The following MSRB3 variants were observed in gnomAD, a reference collection of about 807,000 sequenced individuals.
MSRB3 encodes the protein methionine sulfoxide reductase B3.
MSRB3 carries 13 observed loss-of-function variants against 21.0 expected under a neutral mutation model. The ratio of observed to expected loss-of-function variants is 0.62; its 90% CI spans 0.40 to 0.98. The LOEUF is 0.98. MSRB3 is among the 50% of genes least tolerant of loss of function. The pLI, the probability that MSRB3 is intolerant of heterozygous loss-of-function variation, is 0.00. For missense variants in MSRB3, 199 were observed against 230.3 expected, an observed-to-expected ratio of 0.86 and a Z score of 0.88; for synonymous variants, 87 against 88.6, an observed-to-expected ratio of 0.98 and a Z score of 0.10.
At chr12:65,345,974 C>T (rs1876475754) in intron 4 of MSRB3, among the ~76,000 whole-genome samples, 1 of 152,134 alleles carries the variant, frequency 6.6e-6, no homozygotes, top group Non-Finnish European at 1.5e-5. Context: ...CTTGTTAATC[C>T]AGTCTATCAT....
At chr12:65,422,322 G>A (rs12229693) in intron 5 of MSRB3, among the ~76,000 whole-genome samples, 76,293 of 146,192 alleles carry the variant, frequency 0.52, 20,680 homozygotes, top group Middle Eastern at 0.62. Flanking sequence ...AGATAATCGA[G>A]GTAGAAAATT....
chr12:65,342,506 G>A (rs1466938493), intron 4 of MSRB3, among the ~76,000 whole-genome samples: 1 of 151,966 alleles, frequency 6.6e-6, no homozygotes, highest in Non-Finnish European at 1.5e-5. Flanking sequence ...TAGGAAATTA[G>A]CACTTTCAAA....
intron 5 of MSRB3, among the ~76,000 whole-genome samples, chr12:65,446,911 A>G (rs1212018423): frequency 6.6e-6 from 1 of 152,226 alleles, no homozygotes; most frequent in Non-Finnish European, 1.5e-5. Flanking sequence ...AGTCTAAATA[A>G]CAACTAGACT....
At position 65,322,537 on chromosome 12, in the gene MSRB3, C is replaced by A. The variant is rs187735852; in HGVS notation, c.77-4289C>A. 8.1e-3 allele frequency among the ~76,000 whole-genome samples: 1,234 copies of A among 151,662 alleles called. 20 individuals are homozygous for A. Among genetic ancestry groups the A allele is most frequent in the African/African-American group, 0.029 (1,179 of 41,336 alleles). ...GGGTGTGGTGGTGGGCGTCTGTAAT[C>A]CCAGCCACTCTGGAGGCTGAGGCTG... On this transcript the variant is annotated intron_variant, in intron 2 of 6. Coordinates refer to ENST00000308259, the MANE Select transcript of MSRB3 (RefSeq NM_001031679.3).
chr12:65,368,993 T>C lies in MSRB3; in HGVS notation c.264-5T>C, dbSNP rs184727053. On this transcript the variant is annotated splice_region_variant and splice_polypyrimidine_tract_variant and intron_variant, in intron 4 of 6. Transcript: ENST00000308259. The stretch of plus-strand genomic sequence containing the variant: ...ATATTGTAAAAACTTTCTTTCTCTT[T>C]GCAGGTCAGAAACCAAATTTGACTC... The C allele has an allele frequency of 5.7e-5, 81 of 1,425,322 alleles. No homozygotes were observed. The highest frequency in any genetic ancestry group is 7.4e-5 in the Non-Finnish European group (78 of 1,057,738). 88.3% of individuals were successfully genotyped at this position (1,425,322 alleles called of 1,614,324 possible). A position where few individuals can be genotyped will look rare whatever the true frequency, so the allele number is the denominator to read the frequency against.
intron 5 of MSRB3, among the ~76,000 whole-genome samples, chr12:65,431,413 G>A (rs988846307): frequency 3.3e-5 from 5 of 151,726 alleles, no homozygotes; most frequent in East Asian, 1.9e-4. Flanking sequence ...ACTTAGGCCC[G>A]TTTCTGTCTA....
At chr12:65,395,095 A>C (rs2136587350) in intron 5 of MSRB3, among the ~76,000 whole-genome samples, 1 of 152,366 alleles carries the variant, frequency 6.6e-6, no homozygotes, top group African/African-American at 2.4e-5. Context: ...TGGAAAAAAA[A>C]TAAAAGAAAG....
At chr12:65,396,262 G>A (rs757060334) in intron 5 of MSRB3, among the ~76,000 whole-genome samples, 5 of 152,026 alleles carry the variant, frequency 3.3e-5, no homozygotes, top group African/African-American at 4.8e-5. Context: ...TGATCCATGT[G>A]CCATTTAGAA....
chr12:65,354,622 T>C (rs1302576937), intron 4 of MSRB3, among the ~76,000 whole-genome samples: 1 of 151,888 alleles, frequency 6.6e-6, no homozygotes, highest in African/African-American at 2.4e-5. Context: ...ATTTAGCCAT[T>C]CGTTTAATTT....
chr12:65,318,505 A>AT (rs928875635), intron 2 of MSRB3, among the ~76,000 whole-genome samples: 19 of 151,262 alleles, frequency 1.3e-4, no homozygotes, highest in East Asian at 3.9e-4. Flanking sequence ...TCTGTTTTTA[A>AT]TTTTTTTTTA....
At chr12:65,451,929 A>G (rs1207596036) in intron 5 of MSRB3, among the ~76,000 whole-genome samples, 1 of 152,242 alleles carries the variant, frequency 6.6e-6, no homozygotes, top group Admixed American at 6.5e-5. Context: ...CAATGAATTT[A>G]GACTCTGCCT....
intron 1 of MSRB3, among the ~76,000 whole-genome samples, chr12:65,293,340 C>T (rs749955319): frequency 1.1e-4 from 16 of 152,138 alleles, no homozygotes; most frequent in Admixed American, 2.0e-4. Flanking sequence ...ATTATGTTCT[C>T]CTTCACTTAC....
chr12:65,451,629 T>A (rs184159183), intron 5 of MSRB3, among the ~76,000 whole-genome samples: 18 of 152,248 alleles, frequency 1.2e-4, no homozygotes, highest in Non-Finnish European at 2.5e-4. Context: ...ATGAACTTCA[T>A]GTTTCTCCTC....
At chr12:65,282,227 G>A (rs546573032) in intron 1 of MSRB3, among the ~76,000 whole-genome samples, 2 of 151,736 alleles carry the variant, frequency 1.3e-5, no homozygotes, top group Admixed American at 1.3e-4. Context: ...TGAGGCAGGA[G>A]AATAACTTGA....
chr12:65,439,740 A>T lies in MSRB3; in HGVS notation c.293-13988A>T, dbSNP rs114157765. Reference sequence around the variant, plus strand: ...TTATAAAAAGAACAATAAAAATGCTAGGAAGATGGGAATAAAGATAAAAGC... The same window carrying T: ...TTATAAAAAGAACAATAAAAATGCTTGGAAGATGGGAATAAAGATAAAAGC... On this transcript the variant is annotated intron_variant, in intron 5 of 6. Transcript: ENST00000308259. Among the ~76,000 whole-genome samples, 1,402 of 151,814 alleles carry T rather than the reference A, an allele frequency of 9.2e-3. 22 individuals carry two copies. Among genetic ancestry groups the T allele is most frequent in the African/African-American group, 0.032 (1,325 of 41,522 alleles).
intron 5 of MSRB3, among the ~76,000 whole-genome samples, chr12:65,447,282 G>A (rs568157906): frequency 3.9e-5 from 6 of 152,240 alleles, no homozygotes; most frequent in Admixed American, 1.3e-4. Flanking sequence ...AATAGGAACT[G>A]TTGATCAAAG....
At position 65,308,612 on chromosome 12, in the gene MSRB3, A is replaced by G. The variant is rs760081771; in HGVS notation, c.33A>G (p.Thr11=). The change falls in exon 2 of 7, where the codon ACA becomes ACG. Residue 11 remains threonine, a synonymous_variant. Transcript: ENST00000308259. ...CATTCAACCTGCTGCATTTGGTGAC[A>G]AAGAGCCAGCCAGTAGCCCTTCGAG... The part of the protein sequence containing the change: MSAFNLLHLV[T]KSQPVALRAC... The G allele has an allele frequency of 3.7e-6, 6 of 1,613,876 alleles. No homozygotes were observed. The highest frequency in any genetic ancestry group is 5.1e-6 in the Non-Finnish European group (6 of 1,179,904).
chr12:65,418,869 G>T (rs1318018675), intron 5 of MSRB3: 6 of 758,524 alleles, frequency 7.9e-6, no homozygotes, highest in Non-Finnish European at 1.4e-5. Context: ...CTTCTGGCAG[G>T]CAGTGATACA....
rs558470242 is a variant in MSRB3, at chr12:65,408,510, GT to G, written c.292+39485del. On this transcript the variant is annotated intron_variant, in intron 5 of 6. Transcript: ENST00000308259. ...AGGTAGACTGCATTTACTATTTTCTGTGGCTAGAGACTTCTTAAATATGGTT... is the reference window on the plus strand; with the variant it reads ...AGGTAGACTGCATTTACTATTTTCTGGGCTAGAGACTTCTTAAATATGGTT... Among the ~76,000 whole-genome samples, 7 of 152,308 alleles carry G rather than the reference GT, an allele frequency of 4.6e-5. No homozygotes were observed. In the East Asian group the frequency reaches 1.3e-3, roughly 29 times the overall value.
Sources: gnomAD v4.1 joint callset for allele counts (sites outside exome capture counted in the v4.1 genomes callset) on GRCh38, gnomAD v4.1.1 for gene constraint, MANE v1.5 for transcripts, NCBI Gene and HGNC (gene_info 2026-07-23, HGNC 2026-07-21) for gene names.